Variants in VPS13B observed in about 807,000 individuals in gnomAD.
VPS13B encodes the protein vacuolar protein sorting 13 homolog B, also known as intermembrane lipid transfer protein VPS13B.
A neutral mutation model predicts 426.4 loss-of-function variants in VPS13B; 285 were observed. The ratio of observed to expected loss-of-function variants is 0.67; its 90% CI spans 0.61 to 0.74. VPS13B has a LOEUF of 0.74. Among genes scored for constraint, VPS13B ranks in the 30% least tolerant of loss-of-function variants. VPS13B has a pLI of 0.00. For synonymous variants in VPS13B, 1,676 were observed against 1,676.4 expected (o/e 1.00, Z 0.01); for missense variants, 4,537 against 4,782.6 (o/e 0.95, Z 1.51).
At chr8:99,384,996 C>G (rs923786722) in intron 20 of VPS13B, among the ~76,000 whole-genome samples, 1 of 152,126 alleles carries the variant, frequency 6.6e-6, no homozygotes, top group African/African-American at 2.4e-5. Flanking sequence ...ATTTTTATCT[C>G]TACATTTCCT....
Position 99,825,426 on chromosome 8 carries a change from G to T in VPS13B, c.9330+1448G>T, listed in dbSNP as rs562412758. Among the ~76,000 whole-genome samples the T allele has an allele frequency of 2.0e-4, 31 of 152,046 alleles. 1 individual carries two copies. In the South Asian group the frequency reaches 5.8e-3, roughly 29 times the overall value. Reference sequence around the variant, plus strand: ...GCCCACTTTCTGATGGGGTTGGTTGGTTTTTTCTTGTAAATTTGATTAAGT... The same window carrying T: ...GCCCACTTTCTGATGGGGTTGGTTGTTTTTTTCTTGTAAATTTGATTAAGT... On this transcript the variant is annotated intron_variant, in intron 51 of 61. Coordinates refer to ENST00000357162, the MANE Select transcript of VPS13B (RefSeq NM_152564.5).
intron 8 of VPS13B, among the ~76,000 whole-genome samples, chr8:99,128,126 C>T (rs185161575): frequency 2.0e-5 from 3 of 152,098 alleles, no homozygotes; most frequent in East Asian, 1.9e-4. Flanking sequence ...CATGATGGCT[C>T]ACACCTGTAA....
intron 39 of VPS13B, among the ~76,000 whole-genome samples, chr8:99,758,439 A>G (rs1347158449): frequency 3.3e-5 from 5 of 152,252 alleles, no homozygotes; most frequent in African/African-American, 9.6e-5. Flanking sequence ...AGACTGCTAA[A>G]GAAGGTAGCA....
At chr8:99,623,561 G>C (rs186733927) in intron 33 of VPS13B, among the ~76,000 whole-genome samples, 2 of 152,176 alleles carry the variant, frequency 1.3e-5, no homozygotes, top group Admixed American at 1.3e-4. Context: ...TGTTGAATAA[G>C]TAAATGATGG....
chr8:99,094,626 G>A (rs1480637751), intron 3 of VPS13B, among the ~76,000 whole-genome samples: 1 of 152,078 alleles, frequency 6.6e-6, no homozygotes, highest in Non-Finnish European at 1.5e-5. Flanking sequence ...AAGCCATGCT[G>A]TTTTGTAAAA....
At chr8:99,230,469 C>G (rs950075065) in intron 17 of VPS13B, among the ~76,000 whole-genome samples, 6 of 152,192 alleles carry the variant, frequency 3.9e-5, no homozygotes, top group African/African-American at 9.6e-5. Context: ...AAAATATTGA[C>G]TTGCCTAATT....
intron 44 of VPS13B, among the ~76,000 whole-genome samples, chr8:99,811,348 C>G (rs1813689163): frequency 6.6e-6 from 1 of 152,138 alleles, no homozygotes; most frequent in Non-Finnish European, 1.5e-5. Flanking sequence ...ACATTATAGC[C>G]CTTCAAAAAC....
chr8:99,086,572 A>G (rs983717862), intron 3 of VPS13B, among the ~76,000 whole-genome samples: 1 of 152,042 alleles, frequency 6.6e-6, no homozygotes, highest in African/African-American at 2.4e-5. Context: ...GTTGTGTTTT[A>G]TCCCCATCTT....
chr8:99,093,714 G>A (rs964962497), intron 3 of VPS13B, among the ~76,000 whole-genome samples: 20 of 152,060 alleles, frequency 1.3e-4, no homozygotes, highest in East Asian at 7.7e-4. Context: ...TGAACTCATC[G>A]TTTTTTATGG....
intron 24 of VPS13B, among the ~76,000 whole-genome samples, chr8:99,480,469 T>C (rs1447632455): frequency 6.6e-6 from 1 of 152,140 alleles, no homozygotes. Context: ...GTTCTAATTA[T>C]TTAAGAAAAA....
chr8:99,733,745 T>TA (rs1247363575), intron 39 of VPS13B, among the ~76,000 whole-genome samples: 9 of 152,096 alleles, frequency 5.9e-5, no homozygotes, highest in South Asian at 2.1e-4. Flanking sequence ...AATACCTAGT[T>TA]AAAAAAAATG....
chr8:99,690,472 T>C (rs376396495), intron 35 of VPS13B, among the ~76,000 whole-genome samples: 5 of 152,198 alleles, frequency 3.3e-5, no homozygotes, highest in African/African-American at 1.2e-4. Context: ...TAAACTGTTT[T>C]GTGCTGCAAA....
At chr8:99,529,027 A>T (rs1822788378) in intron 30 of VPS13B, among the ~76,000 whole-genome samples, 1 of 152,100 alleles carries the variant, frequency 6.6e-6, no homozygotes, top group Non-Finnish European at 1.5e-5. Context: ...AAAAATTTAT[A>T]AATAAATTTT....
intron 33 of VPS13B, among the ~76,000 whole-genome samples, chr8:99,608,347 C>T (rs969894208): frequency 6.6e-6 from 1 of 150,808 alleles, no homozygotes; most frequent in Non-Finnish European, 1.5e-5. Flanking sequence ...GAGTCTTACT[C>T]TCTTGCTCAG....
chr8:99,509,291 A>C (rs1242576713), intron 28 of VPS13B, among the ~76,000 whole-genome samples: 1 of 152,318 alleles, frequency 6.6e-6, no homozygotes, highest in South Asian at 2.1e-4. Flanking sequence ...ATAAAAAAGA[A>C]GGGGAATCAA....
At position 99,121,434 on chromosome 8, in the gene VPS13B, G is replaced by T. The variant is rs1037614177; in HGVS notation, c.1195G>T (p.Val399Leu). 1 of 1,614,174 alleles carries T rather than the reference G, an allele frequency of 6.2e-7. No individual in the cohort carries two copies. The highest frequency in any genetic ancestry group is 8.5e-7 in the Non-Finnish European group (1 of 1,180,020). The change falls in exon 8 of 62, where the codon GTG becomes TTG. Residue 399 changes from valine to leucine, a missense_variant. By Grantham distance (32) the Val-to-Leu change is conservative. Transcript: ENST00000357162. Reference protein sequence around the residue: ...SIGFYCTKATVTFKLTEMQVE... With the variant: ...SIGFYCTKATLTFKLTEMQVE... ...AGGATTTTATTGCACAAAGGCAACG[G>T]TGACTTTCAAAGTAGGTCTTTTCTC...
intron 30 of VPS13B, among the ~76,000 whole-genome samples, chr8:99,551,235 T>C (rs1033881982): frequency 2.0e-5 from 3 of 147,234 alleles, no homozygotes; most frequent in Non-Finnish European, 3.0e-5. Context: ...GTACTGAATC[T>C]TTTGTCTTCA....
intron 25 of VPS13B, among the ~76,000 whole-genome samples, chr8:99,492,207 A>G (rs1820641435): frequency 6.6e-6 from 1 of 152,168 alleles, no homozygotes; most frequent in Non-Finnish European, 1.5e-5. Context: ...GCAGAACAGC[A>G]AATATTGCTG....
At chr8:99,139,447 T>TG (rs1250207144) in intron 12 of VPS13B, among the ~76,000 whole-genome samples, 106 of 151,504 alleles carry the variant, frequency 7.0e-4, no homozygotes, top group African/African-American at 2.5e-3. Context: ...TTTTTTTTTT[T>TG]TTTTGTTTGA....
Sources: allele counts gnomAD v4.1 joint callset (sites outside exome capture counted in the v4.1 genomes callset), GRCh38; gene constraint gnomAD v4.1.1; transcripts MANE v1.5; gene names NCBI Gene and HGNC (gene_info 2026-07-23, HGNC 2026-07-21).